INPP4B: variants seen among roughly 807,000 people sequenced by gnomAD.
INPP4B encodes the protein inositol polyphosphate 4-phosphatase type II.
In INPP4B, 55 loss-of-function variants were observed where a neutral mutation model predicts 122.5. The ratio of observed to expected loss-of-function variants is 0.45; its 90% CI spans 0.36 to 0.56. The LOEUF is 0.56. Among genes scored for constraint, INPP4B ranks in the 20% least tolerant of loss-of-function variants. The pLI is 0.00. For missense variants in INPP4B, 1,000 were observed against 1,097.7 expected, an observed-to-expected ratio of 0.91 and a Z score of 1.26; for synonymous variants, 403 against 388.7, an observed-to-expected ratio of 1.04 and a Z score of -0.43.
At chr4:142,053,363 G>C (rs182787282) in intron 25 of INPP4B, among the ~76,000 whole-genome samples, 2 of 152,198 alleles carry the variant, frequency 1.3e-5, no homozygotes, top group East Asian at 3.9e-4. Flanking sequence ...AATGAGGAGA[G>C]AGAACCTGAA....
intron 2 of INPP4B, among the ~76,000 whole-genome samples, chr4:142,716,054 C>T (rs1426288606): frequency 6.6e-6 from 1 of 152,152 alleles, no homozygotes; most frequent in Non-Finnish European, 1.5e-5. Flanking sequence ...GCTTCTATGT[C>T]AACTTTATGA....
chr4:142,399,565 A>G (rs1800927541), intron 7 of INPP4B, among the ~76,000 whole-genome samples: 1 of 152,158 alleles, frequency 6.6e-6, no homozygotes. Context: ...CTTTAGGGCT[A>G]AACATTGTAA....
At chr4:142,645,887 A>G (rs887318103) in intron 2 of INPP4B, among the ~76,000 whole-genome samples, 12 of 152,204 alleles carry the variant, frequency 7.9e-5, no homozygotes, top group Non-Finnish European at 1.5e-4. Flanking sequence ...AGAAAAATGA[A>G]AGATCCTTTT....
chr4:142,032,585 A>T (rs1028417670), intron 25 of INPP4B, among the ~76,000 whole-genome samples: 2 of 152,184 alleles, frequency 1.3e-5, no homozygotes, highest in Non-Finnish European at 2.9e-5. Flanking sequence ...TATTTCAAAA[A>T]ATATATATTA....
intron 2 of INPP4B, among the ~76,000 whole-genome samples, chr4:142,527,202 TC>T (rs1827031694): frequency 6.6e-6 from 1 of 151,564 alleles, no homozygotes; most frequent in Non-Finnish European, 1.5e-5. Flanking sequence ...TTTTCTAAAT[TC>T]CCCATCATAA....
intron 8 of INPP4B, among the ~76,000 whole-genome samples, chr4:142,314,339 A>G (rs1048335052): frequency 5.3e-5 from 8 of 152,126 alleles, no homozygotes; most frequent in African/African-American, 9.7e-5. Context: ...AACAGAAAAT[A>G]CCACAATCCT....
At chr4:142,470,330 T>C (rs1023773375) in intron 2 of INPP4B, among the ~76,000 whole-genome samples, 1 of 152,172 alleles carries the variant, frequency 6.6e-6, no homozygotes, top group African/African-American at 2.4e-5. Flanking sequence ...ATGAAAAATG[T>C]TCAACTTCAT....
chr4:142,423,285 G>A (rs1345503525), intron 5 of INPP4B, among the ~76,000 whole-genome samples: 9 of 152,056 alleles, frequency 5.9e-5, no homozygotes, highest in South Asian at 2.1e-4. Flanking sequence ...GGTTAATGAA[G>A]GCCCTTGCAA....
chr4:142,238,612 T>A (rs1019015196), intron 11 of INPP4B, among the ~76,000 whole-genome samples: 10 of 152,104 alleles, frequency 6.6e-5, no homozygotes, highest in Non-Finnish European at 1.2e-4. Context: ...CCAAGCATAC[T>A]TTAGTGCCAA....
chr4:142,373,254 A>C (rs1391855022), intron 7 of INPP4B, among the ~76,000 whole-genome samples: 1 of 152,020 alleles, frequency 6.6e-6, no homozygotes, highest in African/African-American at 2.4e-5. Context: ...TTTGAGATGA[A>C]TAGAGTAACA....
chr4:142,066,749 C>T (rs529321136), intron 25 of INPP4B, among the ~76,000 whole-genome samples: 5 of 152,230 alleles, frequency 3.3e-5, no homozygotes, highest in African/African-American at 1.2e-4. Flanking sequence ...TGAGATCAAA[C>T]TGCAAGGCAG....
At chr4:142,835,481 A>AG (rs1179034118) in intron 1 of INPP4B, among the ~76,000 whole-genome samples, 1 of 151,990 alleles carries the variant, frequency 6.6e-6, no homozygotes, top group African/African-American at 2.4e-5. Context: ...TATGAAAAAA[A>AG]TTCTGGACTA....
intron 1 of INPP4B, among the ~76,000 whole-genome samples, chr4:142,763,046 G>A (rs2150978771): frequency 6.6e-6 from 1 of 152,264 alleles, no homozygotes; most frequent in South Asian, 2.1e-4. Flanking sequence ...CAGCCTGGAT[G>A]TCCCAGAACT....
At chr4:142,595,282 G>A (rs1264908398) in intron 2 of INPP4B, among the ~76,000 whole-genome samples, 1 of 151,762 alleles carries the variant, frequency 6.6e-6, no homozygotes. Flanking sequence ...GACTCCTTAG[G>A]CAGCTCCCAC....
At chr4:142,378,142 C>T (rs1792708577) in intron 7 of INPP4B, among the ~76,000 whole-genome samples, 1 of 152,126 alleles carries the variant, frequency 6.6e-6, no homozygotes, top group Non-Finnish European at 1.5e-5. Flanking sequence ...GCTGAAGTCT[C>T]CATTTTAGAG....
intron 1 of INPP4B, among the ~76,000 whole-genome samples, chr4:142,730,414 A>G (rs528935264): frequency 6.6e-6 from 1 of 152,242 alleles, no homozygotes; most frequent in African/African-American, 2.4e-5. Flanking sequence ...TGAATTTTAC[A>G]TTGTTCTTCA....
intron 2 of INPP4B, among the ~76,000 whole-genome samples, chr4:142,626,073 G>T (rs978060378): frequency 6.6e-6 from 1 of 152,120 alleles, no homozygotes; most frequent in East Asian, 1.9e-4. Flanking sequence ...ATAGGCATGG[G>T]CAAGGACTTC....
chr4:142,575,649 C>T (rs751642639), intron 2 of INPP4B, among the ~76,000 whole-genome samples: 1 of 151,974 alleles, frequency 6.6e-6, no homozygotes, highest in Non-Finnish European at 1.5e-5. Flanking sequence ...GTGTAAAGTG[C>T]TTAGGACAGG....
intron 15 of INPP4B, among the ~76,000 whole-genome samples, chr4:142,188,509 A>AT (rs1387042377): frequency 0.039 from 2,893 of 73,820 alleles, 230 homozygotes; most frequent in Middle Eastern, 0.069. Context: ...AAAAAAAAAA[A>AT]AGAAAAAAAA....
Sources: gnomAD v4.1 joint callset for allele counts (sites outside exome capture counted in the v4.1 genomes callset) on GRCh38, gnomAD v4.1.1 for gene constraint, MANE v1.5 for transcripts, NCBI Gene and HGNC (gene_info 2026-07-23, HGNC 2026-07-21) for gene names.